The following KCNN2 variants were observed in gnomAD, a reference collection of about 807,000 sequenced individuals.
KCNN2 encodes the protein potassium calcium-activated channel subfamily N member 2.
Under a neutral mutation model 55.5 loss-of-function variants are expected in KCNN2, and 24 were observed. The observed-to-expected ratio is 0.43, with a 90% CI of 0.31 to 0.61. KCNN2 has a LOEUF of 0.61. Ranked by LOEUF, KCNN2 falls within the 20% of genes least tolerant of loss-of-function variation. The pLI, the probability that KCNN2 is intolerant of heterozygous loss-of-function variation, is 0.08. For synonymous variants in KCNN2, 431 were observed against 336.1 expected (o/e 1.28, Z -3.09); for missense variants, 754 against 853.6 (o/e 0.88, Z 1.45).
At chr5:114,244,712 G>A (rs977066316) in intron 2 of KCNN2, among the ~76,000 whole-genome samples, 11 of 152,148 alleles carry the variant, frequency 7.2e-5, no homozygotes, top group African/African-American at 2.7e-4. Context: ...CATCTGTGTT[G>A]TGTTGGTGAA....
At chr5:114,359,172 A>G (rs190716861), upstream of KCNN2, among the ~76,000 whole-genome samples, 87 of 152,308 alleles carry the variant, frequency 5.7e-4, no homozygotes, top group Middle Eastern at 3.4e-3. Context: ...ACATTATTAA[A>G]TTATTTTATG....
chr5:114,080,919 T>C (rs1036566624), intron 1 of KCNN2, among the ~76,000 whole-genome samples: 8 of 152,170 alleles, frequency 5.3e-5, no homozygotes, highest in African/African-American at 1.7e-4. Flanking sequence ...TATGATCTTA[T>C]ACTTAGAAAA....
chr5:114,386,136 C>T (rs927884105), intron 2 of KCNN2, among the ~76,000 whole-genome samples: 7 of 146,222 alleles, frequency 4.8e-5, no homozygotes, highest in Admixed American at 2.1e-4. Flanking sequence ...GAGCCGAGGT[C>T]GTGCCACTGC....
chr5:114,223,469 T>C (rs1280374982), intron 2 of KCNN2, among the ~76,000 whole-genome samples: 1 of 152,200 alleles, frequency 6.6e-6, no homozygotes, highest in Non-Finnish European at 1.5e-5. Flanking sequence ...TAATATATGA[T>C]GATCATTTTC....
chr5:114,216,518 T>G (rs1027511270), intron 1 of KCNN2, among the ~76,000 whole-genome samples: 10 of 152,176 alleles, frequency 6.6e-5, no homozygotes, highest in Non-Finnish European at 1.3e-4. Context: ...ATTTATGAGC[T>G]TCACTCAAGA....
At chr5:114,415,328 C>T (rs1001783855) in intron 3 of KCNN2, among the ~76,000 whole-genome samples, 2 of 152,146 alleles carry the variant, frequency 1.3e-5, no homozygotes, top group Admixed American at 6.5e-5. Context: ...CTTAGGTAGC[C>T]ATCTAAGAGT....
intron 2 of KCNN2, among the ~76,000 whole-genome samples, chr5:114,367,621 G>A (rs1277401352): frequency 1.3e-5 from 2 of 151,728 alleles, no homozygotes; most frequent in African/African-American, 2.4e-5. Context: ...TCAAATTATA[G>A]GTAAAACAGA....
In KCNN2 at chr5:114,142,470, C is replaced by A. The variant is rs145172998; in HGVS notation, c.-270-79010C>A. Among the ~76,000 whole-genome samples the A allele has an allele frequency of 3.4e-3, 516 of 152,152 alleles. 2 individuals are homozygous for A. Among genetic ancestry groups the A allele is most frequent in the Non-Finnish European group, 5.8e-3 (394 of 68,010 alleles). ...GACATGATTGTATATTTAGAATACG[C>A]CATCATCTCAGCCCAAAATCTCCTT... On this transcript the variant is annotated intron_variant, in intron 1 of 10. Coordinates refer to the KCNN2 transcript ENST00000512097.
intron 1 of KCNN2, among the ~76,000 whole-genome samples, chr5:114,109,319 G>A (rs1194931241): frequency 6.6e-6 from 1 of 152,086 alleles, no homozygotes; most frequent in African/African-American, 2.4e-5. Context: ...AGGTCTGGCA[G>A]CAGGGTACAA....
At chr5:114,088,860 A>T (rs1324820518) in intron 1 of KCNN2, among the ~76,000 whole-genome samples, 1 of 152,096 alleles carries the variant, frequency 6.6e-6, no homozygotes, top group Non-Finnish European at 1.5e-5. Context: ...ACCTCAAGTG[A>T]TCCACCCACT....
chr5:114,308,164 C>A (rs1756324998), intron 2 of KCNN2, among the ~76,000 whole-genome samples: 1 of 152,236 alleles, frequency 6.6e-6, no homozygotes, highest in Admixed American at 6.5e-5. Flanking sequence ...GTGATGCCAC[C>A]ACATGCTGGG....
At chr5:114,443,158 G>A (rs1175648928) in intron 3 of KCNN2, among the ~76,000 whole-genome samples, 1 of 152,034 alleles carries the variant, frequency 6.6e-6, no homozygotes, top group African/African-American at 2.4e-5. Context: ...GGGCGTGGTG[G>A]CGCGTGCCTG....
chr5:114,472,946 T>G (rs1761818040), intron 4 of KCNN2, 108 bp from the exon 5 acceptor site: 1 of 600,906 alleles, frequency 1.7e-6, no homozygotes, highest in South Asian at 2.7e-5. Flanking sequence ...GAAGACAATG[T>G]TTTTAATCCT....
At chr5:114,055,986 G>A (rs1413184805), upstream of KCNN2, 1 of 191,124 alleles carries the variant, frequency 5.2e-6, no homozygotes, top group Non-Finnish European at 1.1e-5. Context: ...GTAGCCTCAA[G>A]GTCGGCGATA....
intron 1 of KCNN2, among the ~76,000 whole-genome samples, chr5:114,177,687 GTACTT>G (rs1234686483): frequency 1.3e-5 from 2 of 151,790 alleles, no homozygotes; most frequent in Admixed American, 6.6e-5. Context: ...TTTTTATAGA[GTACTT>G]TAATTAAAAT....
intron 1 of KCNN2, among the ~76,000 whole-genome samples, chr5:114,201,933 G>T (rs114228165): frequency 6.6e-6 from 1 of 151,538 alleles, no homozygotes; most frequent in Non-Finnish European, 1.5e-5. Context: ...TTTTGCCTTG[G>T]GTATGTTACC....
At chr5:114,285,569 T>G (rs947094384) in intron 2 of KCNN2, among the ~76,000 whole-genome samples, 1 of 152,152 alleles carries the variant, frequency 6.6e-6, no homozygotes, top group Non-Finnish European at 1.5e-5. Flanking sequence ...AGATCAGAAT[T>G]AAGTAGCAAA....
At chr5:114,466,501 T>C (rs1761460632) in intron 4 of KCNN2, among the ~76,000 whole-genome samples, 1 of 151,886 alleles carries the variant, frequency 6.6e-6, no homozygotes, top group African/African-American at 2.4e-5. Flanking sequence ...ATAAAACACA[T>C]CCTGAAAGCT....
At chr5:114,220,593 C>T (rs1219551916) in intron 1 of KCNN2, among the ~76,000 whole-genome samples, 11 of 151,962 alleles carry the variant, frequency 7.2e-5, no homozygotes, top group Admixed American at 6.6e-4. Context: ...ACAAATGAGA[C>T]TTAATACGAG....
Sources: allele counts gnomAD v4.1 joint callset (sites outside exome capture counted in the v4.1 genomes callset), GRCh38; gene constraint gnomAD v4.1.1; transcripts MANE v1.5; gene names NCBI Gene and HGNC (gene_info 2026-07-23, HGNC 2026-07-21).